Variants in ZMYND12 observed in about 807,000 individuals in gnomAD.
ZMYND12 encodes the protein zinc finger MYND-type containing 12, also known as zinc finger MYND domain-containing protein 12.
A neutral mutation model predicts 41.7 loss-of-function variants in ZMYND12; 32 were observed. The observed-to-expected ratio is 0.77, with a 90% confidence interval of 0.58 to 1.03. The LOEUF (loss-of-function observed/expected upper bound fraction) is 1.03, where lower values mean the gene tolerates loss of function less well. Among genes scored for constraint, ZMYND12 ranks in the 50% least tolerant of loss-of-function variants. The probability of loss-of-function intolerance (pLI) is 0.00; values close to 1 mark genes in which losing one functional copy is unlikely to be tolerated. For synonymous variants in ZMYND12, 148 were observed against 164.8 expected, an observed-to-expected ratio of 0.90 and a Z score of 0.78; for missense variants, 424 against 438.5, an observed-to-expected ratio of 0.97 and a Z score of 0.30.
chr1:42,454,402 G>A (rs186403855), intron 1 of ZMYND12, among the ~76,000 whole-genome samples: 1 of 152,360 alleles, frequency 6.6e-6, no homozygotes, highest in African/African-American at 2.4e-5. Flanking sequence ...CATGTCCTAA[G>A]TGTTAGGATA....
intron 2 of ZMYND12, 135 bp from the exon 3 acceptor site, chr1:42,448,773 G>T: frequency 1.3e-6 from 1 of 779,292 alleles, no homozygotes; most frequent in Non-Finnish European, 1.9e-6. Context: ...GTATTAGAGT[G>T]GACGTGAAGC....
chr1:42,431,634 T>C (rs1642850601), intron 7 of ZMYND12, among the ~76,000 whole-genome samples: 1 of 152,196 alleles, frequency 6.6e-6, no homozygotes, highest in African/African-American at 2.4e-5. Flanking sequence ...TAAGGTCTCT[T>C]GTAGATCTAA....
chr1:42,434,604 T>G (rs1642886963), intron 6 of ZMYND12, among the ~76,000 whole-genome samples: 1 of 151,928 alleles, frequency 6.6e-6, no homozygotes, highest in Admixed American at 6.6e-5. Flanking sequence ...AGCAGCAGCA[T>G]CAGATTCTCT....
intron 4 of ZMYND12, among the ~76,000 whole-genome samples, chr1:42,437,836 C>A (rs1306424817): frequency 6.6e-6 from 1 of 152,214 alleles, no homozygotes; most frequent in Non-Finnish European, 1.5e-5. Context: ...CACATGCCAC[C>A]ACACCCAGCT....
At chr1:42,455,184 C>T (rs1047348163) in intron 1 of ZMYND12, among the ~76,000 whole-genome samples, 1 of 152,226 alleles carries the variant, frequency 6.6e-6, no homozygotes, top group Non-Finnish European at 1.5e-5. Flanking sequence ...GCCGGGAATG[C>T]CCTACCCTTC....
In ZMYND12 at chr1:42,448,539, G is replaced by A. The variant is rs771190256; in HGVS notation, c.352C>T (p.Arg118Cys). 7.4e-6 allele frequency: 12 copies of A among 1,613,744 alleles called. No homozygotes were observed. The highest frequency in any genetic ancestry group is 4.4e-5 in the South Asian group (4 of 91,000). ...VPAALQSLRF[R>C]VKLYGLSSVE... ...GAGCTCAGGCCATACAGCTTCACAC[G>A]GAAGCGAAGGGACTGCAAAGCTGCT... Residue 118 changes from arginine to cysteine, a missense_variant, in exon 3 of 8, where the codon CGT (arginine) becomes TGT (cysteine). Arg to Cys is a radical substitution (Grantham distance 180). Coordinates refer to ENST00000372565, the MANE Select transcript of ZMYND12 (RefSeq NM_032257.5).
At chr1:42,444,595 G>C (rs1346740837) in intron 3 of ZMYND12, among the ~76,000 whole-genome samples, 3 of 152,094 alleles carry the variant, frequency 2.0e-5, no homozygotes, top group African/African-American at 7.2e-5. Context: ...GTGCTCACGA[G>C]GTTTCAGGTA....
At chr1:42,432,413 T>C (rs1239822548) in intron 7 of ZMYND12, among the ~76,000 whole-genome samples, 1 of 152,182 alleles carries the variant, frequency 6.6e-6, no homozygotes, top group Non-Finnish European at 1.5e-5. Context: ...CACATACATA[T>C]GTTTATTTCC....
chr1:42,449,999 C>A lies in ZMYND12; in HGVS notation c.171G>T (p.Leu57Phe). 1 of 1,614,000 alleles carries A rather than the reference C, an allele frequency of 6.2e-7. No homozygotes were observed. Among genetic ancestry groups the A allele is most frequent in the Non-Finnish European group, 8.5e-7 (1 of 1,180,036 alleles). ...AGGGCATGGAAGTGCGCAGTGGAAT[C>A]AAGAGCTGACATATTTTCTCATGGA... ...DSIHEKICQL[L>F]IPLRTSMPFY... Residue 57 changes from leucine (L) to phenylalanine (F), a missense_variant, in exon 2 of 8, where the codon TTG (leucine) becomes TTT (phenylalanine). By Grantham distance (22) the Leu-to-Phe change is conservative. Transcript: ENST00000372565.
chr1:42,454,211 G>A (rs769769629), intron 1 of ZMYND12, among the ~76,000 whole-genome samples: 2 of 152,182 alleles, frequency 1.3e-5, no homozygotes, highest in African/African-American at 2.4e-5. Flanking sequence ...AATGGGGTGA[G>A]TGTGGTGGGA....
At chr1:42,444,272 C>T (rs1245923735) in intron 3 of ZMYND12, among the ~76,000 whole-genome samples, 1 of 152,116 alleles carries the variant, frequency 6.6e-6, no homozygotes, top group Non-Finnish European at 1.5e-5. Flanking sequence ...TGAGGAAGAG[C>T]TTGGTGCCTA....
intron 4 of ZMYND12, among the ~76,000 whole-genome samples, chr1:42,437,620 C>G (rs990676037): frequency 6.7e-6 from 1 of 150,224 alleles, no homozygotes; most frequent in Non-Finnish European, 1.5e-5. Flanking sequence ...TCAAGTGATT[C>G]TTTTGCCTCA....
chr1:42,430,923 T>C, intron 7 of ZMYND12, 65 bp from the exon 8 acceptor site: 1 of 1,598,442 alleles, frequency 6.3e-7, no homozygotes. Context: ...GGAAGCCCCA[T>C]CTGTGCTCAA....
rs1185128439 is a variant in ZMYND12 at position 42,450,013 on chromosome 1, T to C, written c.157A>G (p.Ile53Val). ...CGCAGTGGAATCAAGAGCTGACATATTTTCTCATGGATGCTGTCCCAGTCA... is the reference window on the plus strand; with the variant it reads ...CGCAGTGGAATCAAGAGCTGACATACTTTCTCATGGATGCTGTCCCAGTCA... The part of the protein sequence containing the change: ...KADWDSIHEK[I>V]CQLLIPLRTS... Residue 53 changes from isoleucine (I) to valine (V), a missense_variant, in exon 2 of 8, where the codon ATA (isoleucine) becomes GTA (valine). Coordinates refer to ENST00000372565, the MANE Select transcript of ZMYND12 (RefSeq NM_032257.5). The C allele has an allele frequency of 6.2e-7, 1 of 1,613,870 alleles. No individual in the cohort carries two copies. Among genetic ancestry groups the C allele is most frequent in the Non-Finnish European group, 8.5e-7 (1 of 1,180,036 alleles).
chr1:42,448,606 G>C lies in ZMYND12; in HGVS notation c.285C>G (p.Ala95=). The change falls in exon 3 of 8, where the codon GCC becomes GCG. Residue 95 remains alanine, a synonymous_variant. Coordinates refer to ENST00000372565, the MANE Select transcript of ZMYND12 (RefSeq NM_032257.5). ...GTTTCCCTTCAAAGAGGTATTTCTG[G>C]GCTATGGTGTAGCAGAATTCAATCA... The part of the protein sequence containing the change: ...KYLIEFCYTI[A]QKYLFEGKHE... The C allele has an allele frequency of 5.6e-6, 9 of 1,613,210 alleles. No individual in the cohort carries two copies. Among genetic ancestry groups the C allele is most frequent in the Non-Finnish European group, 7.6e-6 (9 of 1,179,594 alleles).
Position 42,430,913 on chromosome 1 carries a change from G to A in ZMYND12, c.976-55C>T, listed in dbSNP as rs1642842128. On this transcript the variant is annotated intron_variant, in intron 7 of 7. Coordinates refer to ENST00000372565, the MANE Select transcript of ZMYND12 (RefSeq NM_032257.5). ...GTTGTCACAGGAAAGCATAACACTG[G>A]GAAGCCCCATCTGTGCTCAACTCCA... The A allele has an allele frequency of 2.5e-6, 4 of 1,605,746 alleles. 1 individual carries two copies. The Admixed American group carries it at 6.7e-5, about 27-fold the overall frequency.
intron 1 of ZMYND12, among the ~76,000 whole-genome samples, chr1:42,453,243 A>C (rs1643101582): frequency 6.6e-6 from 1 of 152,220 alleles, no homozygotes; most frequent in African/African-American, 2.4e-5. Flanking sequence ...AGAGAATTAA[A>C]AGCAAGTAAA....
intron 3 of ZMYND12, among the ~76,000 whole-genome samples, chr1:42,444,109 C>G (rs1229891134): frequency 2.0e-5 from 3 of 152,130 alleles, no homozygotes; most frequent in Non-Finnish European, 2.9e-5. Context: ...GAGATCCTCC[C>G]ATTTCGACTT....
chr1:42,438,836 A>T (rs1642934219), intron 4 of ZMYND12, among the ~76,000 whole-genome samples: 1 of 152,212 alleles, frequency 6.6e-6, no homozygotes, highest in South Asian at 2.1e-4. Flanking sequence ...ACCAACCTGC[A>T]TGGAGACTGC....
Sources: gnomAD v4.1 joint callset for allele counts (sites outside exome capture counted in the v4.1 genomes callset) on GRCh38, gnomAD v4.1.1 for gene constraint, MANE v1.5 for transcripts, NCBI Gene and HGNC (gene_info 2026-07-23, HGNC 2026-07-21) for gene names.